ADRA1A: variants seen among roughly 807,000 people sequenced by gnomAD.
ADRA1A encodes alpha-1A adrenergic receptor.
ADRA1A carries 31 observed loss-of-function variants against 29.6 expected under a neutral mutation model. The observed-to-expected ratio is 1.05, with a 90% CI of 0.79 to 1.41. The LOEUF (loss-of-function observed/expected upper bound fraction) is 1.41, where lower values mean the gene tolerates loss of function less well. Ranked by LOEUF, ADRA1A falls within the 40% of genes most tolerant of loss-of-function variation. The pLI is 0.00. For synonymous variants in ADRA1A, 311 were observed against 254.3 expected (o/e 1.22, Z -2.12); for missense variants, 619 against 601.1 (o/e 1.03, Z -0.31).
At position 26,864,329 on chromosome 8, in the gene ADRA1A, T is replaced by C; in HGVS notation, c.641A>G (p.Glu214Gly). ...GAGGCCAGACTTGAGGCCCCGGCTCTCCCTCTTGGCCACCACGTAGACGCG... is the reference window on the plus strand; with the variant it reads ...GAGGCCAGACTTGAGGCCCCGGCTCCCCCTCTTGGCCACCACGTAGACGCG... Reference protein sequence around the residue: ...YCRVYVVAKRESRGLKSGLKT... With the variant: ...YCRVYVVAKRGSRGLKSGLKT... The change falls in exon 2 of 3, where the codon GAG becomes GGG. Residue 214 changes from glutamate (E) to glycine (G), a missense_variant. Coordinates refer to ENST00000380573, the MANE Select transcript of ADRA1A (RefSeq NM_000680.4). This position sits in a 1 kb window ranked among gnomAD's most constrained non-coding sequence, Gnocchi z 8.1. 1 of 1,614,084 alleles carries C rather than the reference T, an allele frequency of 6.2e-7. No homozygotes were observed. Among genetic ancestry groups the C allele is most frequent in the Non-Finnish European group, 8.5e-7 (1 of 1,180,004 alleles).
At chr8:26,816,533 A>ATGTGTGTGTG (rs59536491) in intron 2 of ADRA1A, among the ~76,000 whole-genome samples, 2,781 of 147,574 alleles carry the variant, frequency 0.019, 36 homozygotes, top group Middle Eastern at 0.035. Context: ...CTCATGGTGT[A>ATGTGTGTGTG]TGTGTGTGTG....
At position 26,796,743 on chromosome 8, in the gene ADRA1A, A is replaced by T. The variant is rs1392797890; in HGVS notation, c.884-26077T>A. The stretch of plus-strand genomic sequence containing the variant: ...ATTAATTTCGAAAGGGGGGTACAAG[A>T]TGAAGGGACACCCCTGAAATCGGGC... On this transcript the variant is annotated intron_variant, in intron 2 of 2. Coordinates refer to ENST00000380573, the MANE Select transcript of ADRA1A (RefSeq NM_000680.4). The surrounding 1 kb of genome is among the most constrained non-coding windows in gnomAD (Gnocchi z 5.0). Among the ~76,000 whole-genome samples, 1 of 152,152 alleles carries T rather than the reference A, an allele frequency of 6.6e-6. No individual in the cohort carries two copies. The highest frequency in any genetic ancestry group is 1.5e-5 in the Non-Finnish European group (1 of 68,020).
rs539478536 is a variant in ADRA1A, at chr8:26,826,509, T to C, written c.883+37578A>G. 1.2e-4 allele frequency among the ~76,000 whole-genome samples: 19 copies of C among 152,356 alleles called. No individual in the cohort carries two copies. The East Asian group carries it at 3.1e-3, about 25-fold the overall frequency. ...TGACTACATTGTATATAAATATATT[T>C]TTTTGGCCAAAAAGTCTATTTTGTT... On this transcript the variant is annotated intron_variant, in intron 2 of 2. Coordinates refer to ENST00000380573, the MANE Select transcript of ADRA1A (RefSeq NM_000680.4).
chr8:26,761,337 G>A (rs1805492167), downstream of ADRA1A, among the ~76,000 whole-genome samples: 1 of 152,202 alleles, frequency 6.6e-6, no homozygotes, highest in Non-Finnish European at 1.5e-5. Context: ...GGGCAGAAAT[G>A]AGAGAGTGAG....
At chr8:26,803,038 A>T (rs1169509107) in intron 2 of ADRA1A, among the ~76,000 whole-genome samples, 1 of 152,170 alleles carries the variant, frequency 6.6e-6, no homozygotes, top group African/African-American at 2.4e-5. Flanking sequence ...AATCTGACTC[A>T]TGGAGACAGA....
rs983763334 is a variant in ADRA1A, at chr8:26,787,404, A to C, written c.884-16738T>G. On this transcript the variant is annotated intron_variant, in intron 2 of 2. Coordinates refer to ENST00000380573, the MANE Select transcript of ADRA1A (RefSeq NM_000680.4). The surrounding 1 kb of genome is among the most constrained non-coding windows in gnomAD (Gnocchi z 4.2). The stretch of plus-strand genomic sequence containing the variant: ...AGACATGTTTGGACATGGAAAAAAA[A>C]CCCACACATACTATATTCTGTCTGA... Among the ~76,000 whole-genome samples the C allele has an allele frequency of 1.1e-4, 16 of 152,200 alleles. No individual in the cohort carries two copies. The highest frequency in any genetic ancestry group is 3.3e-4 in the Admixed American group (5 of 15,286).
chr8:26,866,842 G>A lies in ADRA1A; in HGVS notation c.-687+94C>T, dbSNP rs1034636956. The A allele has an allele frequency of 1.0e-6, 1 of 985,212 alleles. No individual in the cohort carries two copies. The highest frequency in any genetic ancestry group is 1.2e-6 in the Non-Finnish European group (1 of 829,760). The allele number at this position is 985,212 out of a possible 1,614,324, so 61.0% of individuals were successfully genotyped here. ...AAACCTGGTGGAAAAAGCGGGAGGC[G>A]CTGGGAAAAGTGGGGGTTCCGTCTC... On this transcript the variant is annotated intron_variant, in intron 1 of 2. Transcript: ENST00000380573. The surrounding 1 kb of genome is among the most constrained non-coding windows in gnomAD (Gnocchi z 5.7).
In ADRA1A at chr8:26,806,188, G is replaced by A. The variant is rs1808968587; in HGVS notation, c.884-35522C>T. ...CATTATGGGTTATTAGCACTGCCCTGTTTTTAACTGGGTTGCAATTCATGC... is the reference window on the plus strand; with the variant it reads ...CATTATGGGTTATTAGCACTGCCCTATTTTTAACTGGGTTGCAATTCATGC... On this transcript the variant is annotated intron_variant, in intron 2 of 2. Transcript: ENST00000380573. The surrounding 1 kb of genome is among the most constrained non-coding windows in gnomAD (Gnocchi z 4.6). Among the ~76,000 whole-genome samples, 1 of 152,080 alleles carries A rather than the reference G, an allele frequency of 6.6e-6. No individual in the cohort carries two copies. Among genetic ancestry groups the A allele is most frequent in the Non-Finnish European group, 1.5e-5 (1 of 68,032 alleles).
chr8:26,764,863 C>A (rs921138332), downstream of ADRA1A, among the ~76,000 whole-genome samples: 1 of 152,184 alleles, frequency 6.6e-6, no homozygotes, highest in Non-Finnish European at 1.5e-5. Flanking sequence ...TCTCAAAATA[C>A]AGTGTACATT....
intron 2 of ADRA1A, among the ~76,000 whole-genome samples, chr8:26,859,416 A>G (rs1036934321): frequency 1.3e-4 from 20 of 152,272 alleles, no homozygotes; most frequent in African/African-American, 4.8e-4. Context: ...TATATTCCTT[A>G]GCACACTGTA....
intron 2 of ADRA1A, among the ~76,000 whole-genome samples, chr8:26,758,211 C>A (rs925054659): frequency 6.6e-6 from 1 of 152,110 alleles, no homozygotes; most frequent in African/African-American, 2.4e-5. Context: ...ACCTGAGCCG[C>A]GGTGCAGCAG....
chr8:26,773,222 G>T (rs1806305512), intron 2 of ADRA1A, among the ~76,000 whole-genome samples: 1 of 152,164 alleles, frequency 6.6e-6, no homozygotes, highest in Admixed American at 6.5e-5. Context: ...CAAATATACT[G>T]CAATAATACA....
At chr8:26,753,491 G>A (rs1445669612), downstream of ADRA1A, among the ~76,000 whole-genome samples, 1 of 151,828 alleles carries the variant, frequency 6.6e-6, no homozygotes, top group Non-Finnish European at 1.5e-5. Context: ...GATTCTTGAA[G>A]AAAATAATAA....
intron 2 of ADRA1A, among the ~76,000 whole-genome samples, chr8:26,822,812 A>G (rs1810271747): frequency 6.6e-6 from 1 of 152,172 alleles, no homozygotes; most frequent in African/African-American, 2.4e-5. Flanking sequence ...GGAAACTTAC[A>G]ATCGTGGTGG....
chr8:26,839,744 T>C (rs1048618765), intron 2 of ADRA1A, among the ~76,000 whole-genome samples: 1 of 152,208 alleles, frequency 6.6e-6, no homozygotes, highest in African/African-American at 2.4e-5. Flanking sequence ...GGCATATTTC[T>C]TCCTTAGTGC....
rs1813682414 is a variant in ADRA1A at position 26,864,126 on chromosome 8, C to A, written c.844G>T (p.Val282Phe). Reference sequence around the variant, plus strand: ...AAGAAAAAAGGCAGCCAGCAGAGGACGAAGCAGCCGACCACGATGCCCAGC... The same window carrying A: ...AAGAAAAAAGGCAGCCAGCAGAGGAAGAAGCAGCCGACCACGATGCCCAGC... ...KTLGIVVGCF[V>F]LCWLPFFLVM... Residue 282 changes from valine (V) to phenylalanine (F), a missense_variant, in exon 2 of 3, where the codon GTC becomes TTC. By Grantham distance (50) the Val-to-Phe change is conservative. Transcript: ENST00000380573. The surrounding 1 kb of genome is among the most constrained non-coding windows in gnomAD (Gnocchi z 8.1). 3 of 1,613,950 alleles carry A rather than the reference C, an allele frequency of 1.9e-6. No individual in the cohort carries two copies. Among genetic ancestry groups the A allele is most frequent in the Non-Finnish European group, 2.5e-6 (3 of 1,180,024 alleles).
chr8:26,768,503 A>T (rs1805914997), downstream of ADRA1A, among the ~76,000 whole-genome samples: 1 of 152,176 alleles, frequency 6.6e-6, no homozygotes, highest in Non-Finnish European at 1.5e-5. Flanking sequence ...GAAAATCTGA[A>T]ATCCGAAATG....
At chr8:26,851,678 A>T (rs1812643385) in intron 2 of ADRA1A, among the ~76,000 whole-genome samples, 1 of 152,182 alleles carries the variant, frequency 6.6e-6, no homozygotes, top group Non-Finnish European at 1.5e-5. Context: ...AATTAAATAG[A>T]ACAAAAAGTC....
At chr8:26,824,574 C>T (rs186406266) in intron 2 of ADRA1A, among the ~76,000 whole-genome samples, 43 of 152,232 alleles carry the variant, frequency 2.8e-4, no homozygotes, top group Admixed American at 7.2e-4. Flanking sequence ...CCTGTTCAAT[C>T]GAGTGCTCTT....
Sources: allele counts gnomAD v4.1 joint callset (sites outside exome capture counted in the v4.1 genomes callset), GRCh38; gene constraint gnomAD v4.1.1; non-coding constraint Gnocchi (gnomAD v3.1); transcripts MANE v1.5; gene names NCBI Gene and HGNC (gene_info 2026-07-23, HGNC 2026-07-21).